SPATS2: variants seen among roughly 807,000 people sequenced by gnomAD.
The protein encoded by SPATS2 is spermatogenesis associated serine rich 2, also known as spermatogenesis-associated serine-rich protein 2.
A neutral mutation model predicts 63.7 loss-of-function variants in SPATS2; 38 were observed. The ratio of observed to expected loss-of-function variants is 0.60; its 90% CI spans 0.46 to 0.78. The LOEUF is 0.78. SPATS2 is among the 30% of genes least tolerant of loss of function. The probability of loss-of-function intolerance (pLI) is 0.00; values close to 1 mark genes in which losing one functional copy is unlikely to be tolerated. For synonymous variants in SPATS2, 207 were observed against 232.9 expected (o/e 0.89, Z 1.01); for missense variants, 588 against 666.2 (o/e 0.88, Z 1.29).
intron 2 of SPATS2, among the ~76,000 whole-genome samples, chr12:49,424,266 A>G (rs1592382072): frequency 6.6e-6 from 1 of 152,102 alleles, no homozygotes; most frequent in East Asian, 1.9e-4. Context: ...CTTCAGTGAT[A>G]CTCAGACCTT....
chr12:49,513,663 C>T (rs1946790042), intron 9 of SPATS2, among the ~76,000 whole-genome samples: 1 of 152,184 alleles, frequency 6.6e-6, no homozygotes, highest in African/African-American at 2.4e-5. Context: ...GAAACTAGCA[C>T]ACTATATGTC....
At position 49,467,146 on chromosome 12, in the gene SPATS2, T is replaced by C. The variant is rs149992251; in HGVS notation, c.25+6109T>C. 1.1e-3 allele frequency among the ~76,000 whole-genome samples: 158 copies of C among 149,762 alleles called. 1 individual carries two copies. The highest frequency in any genetic ancestry group is 3.6e-3 in the African/African-American group (146 of 40,608). Reference sequence around the variant, plus strand: ...TGACTGCAGCCTCTGCCTCCCAGGTTCAGGAGATTTCCCCTGCCTCAACCT... The same window carrying C: ...TGACTGCAGCCTCTGCCTCCCAGGTCCAGGAGATTTCCCCTGCCTCAACCT... On this transcript the variant is annotated intron_variant, in intron 3 of 13. Transcript: ENST00000552918.
intron 9 of SPATS2, among the ~76,000 whole-genome samples, chr12:49,509,426 G>A (rs557474724): frequency 2.5e-4 from 38 of 151,792 alleles, no homozygotes; most frequent in African/African-American, 7.5e-4. Context: ...GATTACAGGC[G>A]CACGCCACAT....
intron 1 of SPATS2, among the ~76,000 whole-genome samples, chr12:49,369,341 A>G (rs7961032): frequency 0.17 from 25,766 of 152,048 alleles, 3,170 homozygotes; most frequent in African/African-American, 0.35. Context: ...CTCTTTTTTA[A>G]TTGACCTCTT....
At chr12:49,378,852 C>T (rs1028047525) in intron 2 of SPATS2, among the ~76,000 whole-genome samples, 1 of 152,134 alleles carries the variant, frequency 6.6e-6, no homozygotes, top group Admixed American at 6.5e-5. Flanking sequence ...GCCTCAGCCT[C>T]CCAAAGTGCT....
intron 3 of SPATS2, among the ~76,000 whole-genome samples, chr12:49,466,538 C>T (rs1945919413): frequency 6.6e-6 from 1 of 152,154 alleles, no homozygotes; most frequent in African/African-American, 2.4e-5. Context: ...GTTGTTACAG[C>T]ACGTTTTGTT....
intron 9 of SPATS2, among the ~76,000 whole-genome samples, chr12:49,504,719 TC>T (rs1242519121): frequency 2.2e-5 from 3 of 135,628 alleles, no homozygotes; most frequent in Admixed American, 8.2e-5. Flanking sequence ...TTCCTCTATG[TC>T]CTTTTATTGG....
intron 2 of SPATS2, among the ~76,000 whole-genome samples, chr12:49,449,016 A>G (rs1308161962): frequency 6.6e-6 from 1 of 152,240 alleles, no homozygotes; most frequent in Non-Finnish European, 1.5e-5. Flanking sequence ...ATCAATGGAC[A>G]TGCTTATGTT....
intron 3 of SPATS2, among the ~76,000 whole-genome samples, chr12:49,472,837 C>T (rs376973655): frequency 2.7e-5 from 4 of 147,576 alleles, no homozygotes; most frequent in East Asian, 4.0e-4. Flanking sequence ...CTCTGGAGTT[C>T]GAGACCAGCC....
chr12:49,465,512 G>C (rs563006615), intron 3 of SPATS2, among the ~76,000 whole-genome samples: 8 of 152,140 alleles, frequency 5.3e-5, no homozygotes, highest in Admixed American at 2.6e-4. Context: ...TGAAATGTCT[G>C]TTCAAATTCT....
intron 11 of SPATS2, among the ~76,000 whole-genome samples, chr12:49,522,425 A>G (rs1278086509): frequency 6.6e-6 from 1 of 152,240 alleles, no homozygotes; most frequent in Non-Finnish European, 1.5e-5. Flanking sequence ...TAAAATGGAA[A>G]GACATGGAGA....
chr12:49,486,724 T>A (rs1289295439), intron 4 of SPATS2, among the ~76,000 whole-genome samples: 1 of 148,798 alleles, frequency 6.7e-6, no homozygotes, highest in Non-Finnish European at 1.5e-5. Flanking sequence ...GAGCTTGCAG[T>A]GAGCCGAGAT....
Position 49,522,807 on chromosome 12 carries a change from C to A in SPATS2, c.1065C>A (p.Thr355=). ...DEDLGRVARF[T]CDVETLKKSI... ...ATCTGGGACGAGTAGCCCGGTTCACCTGTGATGTAGAGACCCTAAAGAAGA... is the reference window on the plus strand; with the variant it reads ...ATCTGGGACGAGTAGCCCGGTTCACATGTGATGTAGAGACCCTAAAGAAGA... The change falls in exon 12 of 14, where the codon ACC becomes ACA. Residue 355 remains threonine, a synonymous_variant. Coordinates refer to ENST00000552918, the MANE Select transcript of SPATS2 (RefSeq NM_023071.4). 5 of 1,613,746 alleles carry A rather than the reference C, an allele frequency of 3.1e-6. No individual in the cohort carries two copies. Among genetic ancestry groups the A allele is most frequent in the Non-Finnish European group, 4.2e-6 (5 of 1,179,792 alleles).
intron 4 of SPATS2, among the ~76,000 whole-genome samples, chr12:49,486,917 C>CGTGA (rs904774267): frequency 1.3e-5 from 2 of 152,038 alleles, no homozygotes; most frequent in African/African-American, 2.4e-5. Context: ...AATGAGTTCA[C>CGTGA]ATTGACATCT....
rs1257584380 is a variant in SPATS2, at chr12:49,376,597, A to G, written c.-244+5307A>G. Among the ~76,000 whole-genome samples, 6 of 149,160 alleles carry G rather than the reference A, an allele frequency of 4.0e-5. No individual in the cohort carries two copies. In the South Asian group the frequency reaches 6.3e-4, roughly 16 times the overall value. ...TTTTTTATAGAGACAGGGTCTTGCT[A>G]TGTTTCCTAGGCTGGTCTTGAATTC... is the stretch of plus-strand genomic sequence containing the variant. On this transcript the variant is annotated intron_variant, in intron 2 of 13. Transcript: ENST00000552918.
chr12:49,524,380 A>G (rs891775230), intron 12 of SPATS2, among the ~76,000 whole-genome samples: 1 of 152,182 alleles, frequency 6.6e-6, no homozygotes, highest in Non-Finnish European at 1.5e-5. Flanking sequence ...AGCCATAGTC[A>G]GGAGTTTAGG....
chr12:49,395,631 G>A (rs1391508622), intron 2 of SPATS2, among the ~76,000 whole-genome samples: 1 of 151,606 alleles, frequency 6.6e-6, no homozygotes, highest in African/African-American at 2.4e-5. Flanking sequence ...TCACCATGTT[G>A]ATTAGGCTGG....
intron 7 of SPATS2, among the ~76,000 whole-genome samples, chr12:49,496,267 GTTGTTTGT>G (rs569456511): frequency 1.4e-4 from 22 of 151,900 alleles, no homozygotes; most frequent in South Asian, 6.2e-4. Flanking sequence ...CTAGAGCGTT[GTTGTTTGT>G]TTGTTTGTTT....
intron 2 of SPATS2, among the ~76,000 whole-genome samples, chr12:49,394,989 C>T (rs1459487411): frequency 6.6e-6 from 1 of 151,968 alleles, no homozygotes; most frequent in African/African-American, 2.4e-5. Flanking sequence ...AGGAGAATCC[C>T]TTGAACCCAG....
Sources: gnomAD v4.1 joint callset for allele counts (sites outside exome capture counted in the v4.1 genomes callset) on GRCh38, gnomAD v4.1.1 for gene constraint, MANE v1.5 for transcripts, NCBI Gene and HGNC (gene_info 2026-07-23, HGNC 2026-07-21) for gene names.